The following KAZN variants were observed in gnomAD, a reference collection of about 807,000 sequenced individuals.
KAZN encodes the protein kazrin.
In KAZN, 40 loss-of-function variants were observed where a neutral mutation model predicts 87.4. That is an observed-to-expected ratio of 0.46 (90% CI 0.36 to 0.60). The LOEUF is 0.60. Among genes scored for constraint, KAZN ranks in the 20% least tolerant of loss-of-function variants. KAZN has a pLI of 0.00. For synonymous variants in KAZN, 466 were observed against 458.3 expected (o/e 1.02, Z -0.22); for missense variants, 898 against 1,073.9 (o/e 0.84, Z 2.29).
At chr1:15,114,442 G>C (rs1268897974) in intron 14 of KAZN, 29 bp from the exon 15 acceptor site, 27 of 1,566,144 alleles carry the variant, frequency 1.7e-5, no homozygotes, top group Non-Finnish European at 2.3e-5. Context: ...TCTTCTTCCT[G>C]TCCTTTGATC....
intron 1 of KAZN, among the ~76,000 whole-genome samples, chr1:14,624,225 G>A (rs552929731): frequency 6.6e-4 from 100 of 152,126 alleles, no homozygotes; most frequent in Non-Finnish European, 9.4e-4. Context: ...GATCGAGACC[G>A]TCCTGGCTAA....
rs191338835 is a variant in KAZN, at chr1:14,014,360, C to T, written c.91+120604C>T. Among the ~76,000 whole-genome samples the T allele has an allele frequency of 8.5e-5, 13 of 152,118 alleles. No homozygotes were observed. The East Asian group carries it at 2.5e-3, about 30-fold the overall frequency. ...TCTTTCCAAGCAGAGAAGACAGAGTCCCCTGTCAAAATGACAGAAAAGGGT... is the reference window on the plus strand; with the variant it reads ...TCTTTCCAAGCAGAGAAGACAGAGTTCCCTGTCAAAATGACAGAAAAGGGT... On this transcript the variant is annotated intron_variant, in intron 1 of 16. Transcript: ENST00000636203.
At chr1:14,583,597 G>C (rs542186898) in intron 2 of KAZN, among the ~76,000 whole-genome samples, 1 of 152,182 alleles carries the variant, frequency 6.6e-6, no homozygotes, top group African/African-American at 2.4e-5. Flanking sequence ...GCCCAAGGCT[G>C]GTTCCTGGGT....
rs2100722051 is a variant in KAZN, at chr1:15,104,003, T to C, written c.1882-20T>C. The C allele has an allele frequency of 1.2e-6, 2 of 1,609,256 alleles. No individual in the cohort carries two copies. Among genetic ancestry groups the C allele is most frequent in the Non-Finnish European group, 1.7e-6 (2 of 1,177,190 alleles). ...AGCATGGCCCCTGCAGGCTAACAAG[T>C]CCCCTGCCTTTGCCCCCAGGAGTAC... On this transcript the variant is annotated intron_variant, in intron 12 of 14. Coordinates refer to ENST00000376030, the MANE Select transcript of KAZN (RefSeq NM_201628.3).
intron 1 of KAZN, among the ~76,000 whole-genome samples, chr1:14,771,423 G>C (rs1015672924): frequency 1.3e-5 from 2 of 152,128 alleles, no homozygotes; most frequent in Admixed American, 6.5e-5. Context: ...CCTTGATCGG[G>C]TCCTAATGAG....
At chr1:14,384,350 A>T (rs1191138729) in intron 2 of KAZN, among the ~76,000 whole-genome samples, 2 of 152,062 alleles carry the variant, frequency 1.3e-5, no homozygotes, top group African/African-American at 4.8e-5. Flanking sequence ...TTCCAACACT[A>T]TGTTGAATAG....
intron 2 of KAZN, among the ~76,000 whole-genome samples, chr1:14,985,162 G>A (rs547492996): frequency 2.0e-5 from 3 of 150,530 alleles, no homozygotes; most frequent in Admixed American, 6.6e-5. Context: ...TGGTGGGGTC[G>A]GGGAGGAAGA....
intron 1 of KAZN, among the ~76,000 whole-genome samples, chr1:14,861,985 C>T (rs572991963): frequency 8.3e-4 from 127 of 152,318 alleles, no homozygotes; most frequent in Non-Finnish European, 1.6e-3. Context: ...AGAAGCTGCC[C>T]TTGGACTTTC....
intron 1 of KAZN, among the ~76,000 whole-genome samples, chr1:14,793,634 C>T (rs1389093907): frequency 6.6e-6 from 1 of 152,214 alleles, no homozygotes; most frequent in East Asian, 1.9e-4. Context: ...ACAGTATGTG[C>T]TCCATAAATG....
chr1:14,713,797 A>G (rs10927511), intron 1 of KAZN, among the ~76,000 whole-genome samples: 2,671 of 95,648 alleles, frequency 0.028, 57 homozygotes, highest in South Asian at 0.062. Flanking sequence ...AAAAAAAAAA[A>G]AAAGAAAGAA....
At chr1:14,933,953 T>C (rs1475980862) in intron 1 of KAZN, among the ~76,000 whole-genome samples, 3 of 151,748 alleles carry the variant, frequency 2.0e-5, no homozygotes, top group Non-Finnish European at 2.9e-5. Context: ...GTTCACGCCA[T>C]TCTCCTGCCT....
intron 2 of KAZN, among the ~76,000 whole-genome samples, chr1:14,346,414 C>G (rs182087609): frequency 5.3e-5 from 8 of 152,242 alleles, no homozygotes; most frequent in Admixed American, 5.2e-4. Context: ...CCCTCCTTTG[C>G]ACCGGTGTTC....
chr1:15,092,570 G>A (rs76042850), intron 8 of KAZN, among the ~76,000 whole-genome samples: 11,152 of 151,890 alleles, frequency 0.073, 475 homozygotes, highest in South Asian at 0.096. Context: ...CTCCCTGGCT[G>A]AAAAGATCCT....
At chr1:14,278,264 A>G (rs988493250) in intron 2 of KAZN, among the ~76,000 whole-genome samples, 5 of 149,328 alleles carry the variant, frequency 3.3e-5, no homozygotes, top group Admixed American at 3.3e-4. Context: ...CAGTATCTTT[A>G]TCACACCTGA....
intron 2 of KAZN, among the ~76,000 whole-genome samples, chr1:14,291,545 G>A (rs1653693721): frequency 6.6e-6 from 1 of 152,190 alleles, no homozygotes; most frequent in African/African-American, 2.4e-5. Flanking sequence ...TTAGAAAAGT[G>A]CAGTGTTTGG....
intron 2 of KAZN, among the ~76,000 whole-genome samples, chr1:14,577,685 A>C (rs773920839): frequency 3.3e-5 from 5 of 152,200 alleles, no homozygotes; most frequent in Non-Finnish European, 5.9e-5. Context: ...CCACTCACTG[A>C]GTGATCTTAG....
intron 1 of KAZN, among the ~76,000 whole-genome samples, chr1:14,157,939 C>A (rs1645631637): frequency 6.6e-6 from 1 of 152,074 alleles, no homozygotes; most frequent in Non-Finnish European, 1.5e-5. Context: ...CATGAGAACT[C>A]ACTCACTATC....
intron 2 of KAZN, among the ~76,000 whole-genome samples, chr1:14,447,972 G>T (rs937784643): frequency 2.6e-5 from 4 of 152,234 alleles, no homozygotes; most frequent in Non-Finnish European, 5.9e-5. Flanking sequence ...ACCAGGAGCT[G>T]CAGGATAGCA....
intron 2 of KAZN, among the ~76,000 whole-genome samples, chr1:14,571,113 C>T (rs1487831633): frequency 1.3e-5 from 2 of 152,182 alleles, no homozygotes; most frequent in South Asian, 2.1e-4. Context: ...GACAAAAACC[C>T]TTCACTATAT....
Sources: allele counts gnomAD v4.1 joint callset (sites outside exome capture counted in the v4.1 genomes callset), GRCh38; gene constraint gnomAD v4.1.1; transcripts MANE v1.5; gene names NCBI Gene and HGNC (gene_info 2026-07-23, HGNC 2026-07-21).